UTP11: variants seen among roughly 807,000 people sequenced by gnomAD.
The protein encoded by UTP11 is probable U3 small nucleolar RNA-associated protein 11.
In UTP11, 29 loss-of-function variants were observed where a neutral mutation model predicts 39.0. The observed-to-expected ratio is 0.74, with a 90% CI of 0.55 to 1.01. The LOEUF is 1.01. Ranked by LOEUF, UTP11 falls within the 50% of genes least tolerant of loss-of-function variation. The probability of loss-of-function intolerance (pLI) is 0.00; values close to 1 mark genes in which losing one functional copy is unlikely to be tolerated. For synonymous variants in UTP11, 111 were observed against 105.0 expected (o/e 1.06, Z -0.35); for missense variants, 281 against 306.0 (o/e 0.92, Z 0.61).
rs1287440927 is a variant in UTP11, at chr1:38,015,019, G to GT, written c.64-1331dup. Among the ~76,000 whole-genome samples, 6 of 151,566 alleles carry GT rather than the reference G, an allele frequency of 4.0e-5. No homozygotes were observed. In the East Asian group the frequency reaches 1.2e-3, roughly 29 times the overall value. The stretch of plus-strand genomic sequence containing the variant: ...AAATCCTACCCAAATTATTATACAA[G>GT]TTTTTTTTTGTTTGTTTTTTTGAGG... On this transcript the variant is annotated intron_variant, in intron 1 of 7. Coordinates refer to ENST00000373014, the MANE Select transcript of UTP11 (RefSeq NM_016037.4).
intron 7 of UTP11, among the ~76,000 whole-genome samples, chr1:38,023,227 C>G (rs1646748368): frequency 6.6e-6 from 1 of 152,198 alleles, no homozygotes; most frequent in South Asian, 2.1e-4. Flanking sequence ...ATGTCAAATT[C>G]TTTAGCTTTG....
rs1570504962 is a variant in UTP11 at position 38,024,566 on chromosome 1, C to G, written c.*938C>G. ...TACAGGCGCCCGCCACCGCGCCTGG[C>G]TAATTTTTTTTTGTATTTTTTTAGT... On this transcript the variant is annotated 3_prime_UTR_variant, in exon 8 of 8. Coordinates refer to ENST00000373014, the MANE Select transcript of UTP11 (RefSeq NM_016037.4). The G allele has an allele frequency of 6.6e-6, 1 of 151,646 alleles. No individual in the cohort carries two copies. The highest frequency in any genetic ancestry group is 1.9e-4 in the East Asian group (1 of 5,174). 9.4% of individuals were successfully genotyped at this position (151,646 alleles called of 1,614,324 possible).
chr1:38,015,674 C>T (rs1377017353), intron 1 of UTP11, among the ~76,000 whole-genome samples: 1 of 152,184 alleles, frequency 6.6e-6, no homozygotes. Flanking sequence ...CTTATACCTT[C>T]CATGCTCTCC....
chr1:38,014,135 A>G (rs745949527), intron 1 of UTP11, among the ~76,000 whole-genome samples: 6 of 152,170 alleles, frequency 3.9e-5, no homozygotes, highest in Non-Finnish European at 7.4e-5. Flanking sequence ...TCCTCATTTT[A>G]CAAATGAGGA....
At chr1:38,013,966 T>C (rs1005531175) in intron 1 of UTP11, among the ~76,000 whole-genome samples, 3 of 152,168 alleles carry the variant, frequency 2.0e-5, no homozygotes, top group African/African-American at 7.2e-5. Context: ...CCACCCGCCT[T>C]GGCCTCCCAA....
intron 6 of UTP11, among the ~76,000 whole-genome samples, chr1:38,021,894 G>GAA (rs535193600): frequency 7.7e-6 from 1 of 129,604 alleles, no homozygotes. Flanking sequence ...CTCCGCCTCA[G>GAA]AAAAAAAAAA....
At chr1:38,013,287 T>G (rs917624254) in intron 1 of UTP11, among the ~76,000 whole-genome samples, 3 of 152,254 alleles carry the variant, frequency 2.0e-5, no homozygotes, top group African/African-American at 7.2e-5. Flanking sequence ...TGGTTACTAA[T>G]GTGGTATCAT....
In UTP11 at chr1:38,017,776, T is replaced by G. The variant is rs750366786; in HGVS notation, c.228+6T>G. 6.2e-7 allele frequency: 1 copy of G among 1,602,064 alleles called. No homozygotes were observed. Among genetic ancestry groups the G allele is most frequent in the African/African-American group, 1.3e-5 (1 of 74,132 alleles). ...TGACTCGGGTTAAACTCCAGGTGGG[T>G]GCCCAATGGCTTGGTTGGTGTTTTG... On this transcript the variant is annotated splice_donor_region_variant and intron_variant, in intron 3 of 7. Transcript: ENST00000373014.
At chr1:38,019,405 C>T in intron 6 of UTP11, 22 bp downstream of exon 6, 1 of 1,582,162 alleles carries the variant, frequency 6.3e-7, no homozygotes, top group Non-Finnish European at 8.6e-7. Context: ...TGTTGTTCTT[C>T]ACATGTGAGC....
At chr1:38,014,350 A>G (rs935238962) in intron 1 of UTP11, among the ~76,000 whole-genome samples, 2 of 152,192 alleles carry the variant, frequency 1.3e-5, no homozygotes, top group Non-Finnish European at 2.9e-5. Flanking sequence ...CAAACGTTCC[A>G]TATTTGGGTA....
At chr1:38,014,887 G>C (rs1008121700) in intron 1 of UTP11, among the ~76,000 whole-genome samples, 1 of 152,092 alleles carries the variant, frequency 6.6e-6, no homozygotes, top group Non-Finnish European at 1.5e-5. Context: ...CAAGTGATCT[G>C]CCCACCTCAG....
chr1:38,016,611 T>G (rs1464975128), intron 2 of UTP11, 191 bp downstream of exon 2: 1 of 585,910 alleles, frequency 1.7e-6, no homozygotes, highest in Non-Finnish European at 3.0e-6. Flanking sequence ...AGATCATTAT[T>G]TATTTAACTG....
At chr1:38,014,372 A>G (rs957637020) in intron 1 of UTP11, among the ~76,000 whole-genome samples, 8 of 152,186 alleles carry the variant, frequency 5.3e-5, no homozygotes, top group African/African-American at 1.9e-4. Flanking sequence ...TTTGGACTTT[A>G]TCCTGCAGAT....
At chr1:38,016,006 A>G (rs1446623832) in intron 1 of UTP11, among the ~76,000 whole-genome samples, 5 of 152,242 alleles carry the variant, frequency 3.3e-5, no homozygotes, top group Non-Finnish European at 5.9e-5. Flanking sequence ...CCTCCCTGTT[A>G]CTATGTTTTC....
At position 38,016,410 on chromosome 1, in the gene UTP11, C is replaced by G; in HGVS notation, c.115C>G (p.Leu39Val). 1 of 1,614,174 alleles carries G rather than the reference C, an allele frequency of 6.2e-7. No individual in the cohort carries two copies. Among genetic ancestry groups the G allele is most frequent in the South Asian group, 1.1e-5 (1 of 91,090 alleles). Residue 39 changes from leucine (L) to valine (V), a missense_variant, in exon 2 of 8, where the codon CTT (leucine) becomes GTT (valine). Transcript: ENST00000373014. ...GCTGGAGAAAAAGAAAGATTACAAACTTCGTGCAGAGTGAGTTCAGTCTTT... is the reference window on the plus strand; with the variant it reads ...GCTGGAGAAAAAGAAAGATTACAAAGTTCGTGCAGAGTGAGTTCAGTCTTT... ...GLLEKKKDYK[L>V]RADDYRKKQE...
chr1:38,021,875 A>G (rs1646739620), intron 6 of UTP11, among the ~76,000 whole-genome samples: 1 of 151,902 alleles, frequency 6.6e-6, no homozygotes. Flanking sequence ...CCTGGGCGAC[A>G]GAGCAAGACT....
At chr1:38,019,438 T>TTTTG in intron 6 of UTP11, 55 bp downstream of exon 6, 1 of 1,376,254 alleles carries the variant, frequency 7.3e-7, no homozygotes, top group Non-Finnish European at 9.6e-7. Context: ...AGGTGTTTTT[T>TTTTG]TTTTGTTTTT....
At chr1:38,016,576 C>A in intron 2 of UTP11, 156 bp downstream of exon 2, 1 of 706,056 alleles carries the variant, frequency 1.4e-6, no homozygotes, top group South Asian at 1.7e-5. Context: ...TTTCTGTGAT[C>A]CTAAATTTCT....
chr1:38,018,699 T>G, intron 4 of UTP11, 122 bp downstream of exon 4: 2 of 826,754 alleles, frequency 2.4e-6, no homozygotes, highest in Non-Finnish European at 3.8e-6. Context: ...TAATAATGAT[T>G]TAGAAGTATA....
Sources: allele counts gnomAD v4.1 joint callset (sites outside exome capture counted in the v4.1 genomes callset), GRCh38; gene constraint gnomAD v4.1.1; transcripts MANE v1.5; gene names NCBI Gene and HGNC (gene_info 2026-07-23, HGNC 2026-07-21).